The following MTCL1 variants were observed in gnomAD, a reference collection of about 807,000 sequenced individuals.
MTCL1 encodes the protein microtubule crosslinking factor 1.
MTCL1 carries 79 observed loss-of-function variants against 141.4 expected under a neutral mutation model. The ratio of observed to expected loss-of-function variants is 0.56; its 90% CI spans 0.47 to 0.67. The LOEUF is 0.67. Among genes scored for constraint, MTCL1 ranks in the 30% least tolerant of loss-of-function variants. The pLI is 0.00. For missense variants in MTCL1, 2,177 were observed against 2,113.9 expected (o/e 1.03, Z -0.59); for synonymous variants, 914 against 875.8 (o/e 1.04, Z -0.77).
At chr18:8,806,767 T>G in intron 10 of MTCL1, 126 bp from the exon 10 acceptor site, 16 of 430,116 alleles carry the variant, frequency 3.7e-5, no homozygotes, top group Non-Finnish European at 6.2e-5. Context: ...CCACCCACCC[T>G]GCACCCACTG....
exon 9 of MTCL1, chr18:8,796,243 G>A (rs193207851): frequency 1.2e-6 from 2 of 1,613,958 alleles, no homozygotes; most frequent in Non-Finnish European, 1.7e-6. Context: ...TGGAGGAGGA[G>A]CACCTCTATG....
chr18:8,706,577 C>G, exon 1 of MTCL1: 1 of 1,460,162 alleles, frequency 6.8e-7, no homozygotes, highest in Non-Finnish European at 9.0e-7. Flanking sequence ...CGGGGGCGCT[C>G]GCCACCGGAG....
At position 8,828,360 on chromosome 18, in the gene MTCL1, A is replaced by T. The variant is rs1424647887; in HGVS notation, c.4723-548A>T. 6.6e-6 allele frequency among the ~76,000 whole-genome samples: 1 copy of T among 152,210 alleles called. No homozygotes were observed. Among genetic ancestry groups the T allele is most frequent in the African/African-American group, 2.4e-5 (1 of 41,460 alleles). On this transcript the variant is annotated intron_variant, in intron 15 of 16. Coordinates refer to ENST00000359865, the Ensembl canonical transcript of MTCL1. This position sits in a 1 kb window ranked among gnomAD's most constrained non-coding sequence, Gnocchi z 5.2. ...TCTCTTGACACCATGGCACTAGTTC[A>T]GCAGTGCAGAGAGAAGCCGTGAGGA...
chr18:8,819,703 A>AT (rs11371181), intron 13 of MTCL1, among the ~76,000 whole-genome samples: 3,990 of 152,242 alleles, frequency 0.026, 139 homozygotes, highest in African/African-American at 0.086. Context: ...CCTAGGCTCA[A>AT]TTGATCCTTC....
At chr18:8,821,591 T>A (rs1272139039) in intron 14 of MTCL1, 93 bp downstream of exon 13, 10 of 618,736 alleles carry the variant, frequency 1.6e-5, no homozygotes, top group Non-Finnish European at 2.2e-5. Context: ...TTTACCACTC[T>A]CTTCAAAATG....
At chr18:8,796,853 G>C (rs1387558576) in intron 9 of MTCL1, among the ~76,000 whole-genome samples, 6 of 152,158 alleles carry the variant, frequency 3.9e-5, no homozygotes, top group Non-Finnish European at 7.4e-5. Flanking sequence ...AGGTGCTGTT[G>C]GTTGCCTACT....
At chr18:8,792,917 T>C in intron 7 of MTCL1, 81 bp from the exon 7 acceptor site, 1 of 1,564,112 alleles carries the variant, frequency 6.4e-7, no homozygotes, top group Non-Finnish European at 8.7e-7. Flanking sequence ...GTCCCCAGCT[T>C]GTGCAGATGT....
intron 4 of MTCL1, among the ~76,000 whole-genome samples, chr18:8,756,282 A>G (rs1391271950): frequency 2.7e-5 from 4 of 148,774 alleles, no homozygotes; most frequent in African/African-American, 1.0e-4. Flanking sequence ...GTGAGATTTC[A>G]GCCTTAGCCA....
At chr18:8,827,344 CA>C (rs2077058426) in intron 15 of MTCL1, among the ~76,000 whole-genome samples, 1 of 152,230 alleles carries the variant, frequency 6.6e-6, no homozygotes, top group Non-Finnish European at 1.5e-5. Flanking sequence ...CAGCCTGGCC[CA>C]CCAATGAATG....
At chr18:8,720,554 C>A in intron 4 of MTCL1, 58 bp downstream of exon 3, 1 of 1,526,044 alleles carries the variant, frequency 6.6e-7, no homozygotes, top group East Asian at 2.3e-5. Context: ...GAGCTTGGAA[C>A]TCCAAGTGCC....
At chr18:8,750,447 C>T (rs2096365130) in intron 4 of MTCL1, among the ~76,000 whole-genome samples, 1 of 152,252 alleles carries the variant, frequency 6.6e-6, no homozygotes, top group South Asian at 2.1e-4. Context: ...GGTGGGGCCC[C>T]ACCTGCTGCT....
chr18:8,714,998 G>A (rs964437933), upstream of MTCL1, among the ~76,000 whole-genome samples: 47 of 152,052 alleles, frequency 3.1e-4, no homozygotes, highest in Non-Finnish European at 5.6e-4. Flanking sequence ...GGGTTTCACT[G>A]TGTTAGCCAG....
rs986779978 is a variant in MTCL1 at position 8,822,674 on chromosome 18, A to G, written c.3188+1176A>G. 6.6e-6 allele frequency among the ~76,000 whole-genome samples: 1 copy of G among 151,854 alleles called. No individual in the cohort carries two copies. The highest frequency in any genetic ancestry group is 1.5e-5 in the Non-Finnish European group (1 of 67,970). Reference sequence around the variant, plus strand: ...TGCCTCAGTTTCCTCATCTGTATACAGGACGTATTTTGATTATCTTTTTTT... The same window carrying G: ...TGCCTCAGTTTCCTCATCTGTATACGGGACGTATTTTGATTATCTTTTTTT... On this transcript the variant is annotated intron_variant, in intron 14 of 16. Coordinates refer to ENST00000359865, the Ensembl canonical transcript of MTCL1. The surrounding 1 kb of genome is among the most constrained non-coding windows in gnomAD (Gnocchi z 4.6).
At chr18:8,809,386 G>A (rs2144165120) in intron 11 of MTCL1, 1 of 1,513,752 alleles carries the variant, frequency 6.6e-7, no homozygotes, top group East Asian at 2.5e-5. Context: ...GGATCTTTTT[G>A]AAAGGAAGTA....
chr18:8,808,246 C>T (rs965583387), intron 11 of MTCL1, among the ~76,000 whole-genome samples: 4 of 152,064 alleles, frequency 2.6e-5, no homozygotes, highest in African/African-American at 9.7e-5. Context: ...GCATCAGCAG[C>T]GGAGGAGAAA....
At chr18:8,795,295 T>G (rs2075878067) in intron 8 of MTCL1, among the ~76,000 whole-genome samples, 1 of 152,122 alleles carries the variant, frequency 6.6e-6, no homozygotes, top group Non-Finnish European at 1.5e-5. Context: ...CCTTACTTGG[T>G]TTTTGGCATA....
At chr18:8,794,384 T>C (rs2075841845) in intron 8 of MTCL1, among the ~76,000 whole-genome samples, 2 of 152,114 alleles carry the variant, frequency 1.3e-5, no homozygotes, top group South Asian at 4.2e-4. Flanking sequence ...GGCAGAAGAC[T>C]GAGCTCTGAG....
rs147912035 is a variant in MTCL1 at position 8,765,796 on chromosome 18, C to T, written c.358-12037C>T. On this transcript the variant is annotated intron_variant, in intron 4 of 16. Coordinates refer to ENST00000359865, the Ensembl canonical transcript of MTCL1. Reference sequence around the variant, plus strand: ...CAGTGATAGAACAGAAGTAGTCATGCGGGCTCCTGGGAGATGTGAGGTCTG... The same window carrying T: ...CAGTGATAGAACAGAAGTAGTCATGTGGGCTCCTGGGAGATGTGAGGTCTG... Among the ~76,000 whole-genome samples, 686 of 152,288 alleles carry T rather than the reference C, an allele frequency of 4.5e-3. 9 individuals carry two copies. The highest frequency in any genetic ancestry group is 0.04 in the East Asian group (206 of 5,172).
Position 8,830,042 on chromosome 18 carries a change from A to G in MTCL1, c.*18+1078A>G, listed in dbSNP as rs2077148336. On this transcript the variant is annotated intron_variant, in intron 16 of 16. Transcript: ENST00000359865. This position sits in a 1 kb window ranked among gnomAD's most constrained non-coding sequence, Gnocchi z 6.4. ...CAGCAGCTTCACCAACACACAACAC[A>G]CACAGAACAGATACACAATACACAA... The G allele has an allele frequency of 1.0e-6, 1 of 985,380 alleles. No individual in the cohort carries two copies. The highest frequency in any genetic ancestry group is 1.7e-5 in the African/African-American group (1 of 57,210). 61.0% of individuals were successfully genotyped at this position (985,380 alleles called of 1,614,324 possible).
Sources: allele counts gnomAD v4.1 joint callset (sites outside exome capture counted in the v4.1 genomes callset), GRCh38; gene constraint gnomAD v4.1.1; non-coding constraint Gnocchi (gnomAD v3.1); transcripts MANE v1.5; gene names NCBI Gene and HGNC (gene_info 2026-07-23, HGNC 2026-07-21).